Variants in DGKB observed in about 807,000 individuals in gnomAD.
DGKB encodes diacylglycerol kinase beta.
DGKB carries 67 observed loss-of-function variants against 114.3 expected under a neutral mutation model. That is an observed-to-expected ratio of 0.59 (90% CI 0.48 to 0.72). The LOEUF is 0.72. DGKB is among the 30% of genes least tolerant of loss of function. DGKB has a pLI of 0.00. For synonymous variants in DGKB, 398 were observed against 323.1 expected (o/e 1.23, Z -2.49); for missense variants, 907 against 975.2 (o/e 0.93, Z 0.93).
chr7:14,614,010 G>C (rs953014826), intron 15 of DGKB, among the ~76,000 whole-genome samples: 5 of 152,088 alleles, frequency 3.3e-5, no homozygotes, highest in African/African-American at 1.2e-4. Flanking sequence ...AAGTATATTT[G>C]CTAAGTAGAG....
At chr7:14,557,190 T>A (rs1037503158) in intron 20 of DGKB, among the ~76,000 whole-genome samples, 24 of 152,260 alleles carry the variant, frequency 1.6e-4, no homozygotes, top group Admixed American at 1.2e-3. Context: ...TAAGAACCAC[T>A]ATCTTAGATG....
intron 23 of DGKB, among the ~76,000 whole-genome samples, chr7:14,234,065 G>C (rs973865546): frequency 1.3e-5 from 2 of 152,050 alleles, no homozygotes; most frequent in Non-Finnish European, 2.9e-5. Flanking sequence ...AGGCCCTTCT[G>C]AGCTACAAAC....
chr7:14,525,187 A>C (rs895482645), intron 20 of DGKB, among the ~76,000 whole-genome samples: 3 of 152,168 alleles, frequency 2.0e-5, no homozygotes, highest in Non-Finnish European at 4.4e-5. Context: ...TCATGAACCC[A>C]AATGGAACAA....
chr7:14,782,912 T>C (rs1839340016), intron 2 of DGKB, among the ~76,000 whole-genome samples: 1 of 152,068 alleles, frequency 6.6e-6, no homozygotes, highest in African/African-American at 2.4e-5. Context: ...AGCTCCCTTC[T>C]GCCTCGAAAT....
At chr7:14,246,977 A>AT (rs1440941891) in intron 23 of DGKB, among the ~76,000 whole-genome samples, 2 of 152,132 alleles carry the variant, frequency 1.3e-5, no homozygotes, top group African/African-American at 4.8e-5. Context: ...AAAACATAAT[A>AT]TCCTAATTTC....
intron 1 of DGKB, among the ~76,000 whole-genome samples, chr7:14,888,088 C>A (rs185614282): frequency 1.8e-4 from 28 of 151,684 alleles, no homozygotes; most frequent in African/African-American, 5.1e-4. Flanking sequence ...AGAGTTGCAA[C>A]AAGGTGTAAA....
At position 14,500,062 on chromosome 7, in the gene DGKB, C is replaced by A. The variant is rs576440158; in HGVS notation, c.1771-21837G>T. 2.0e-5 allele frequency among the ~76,000 whole-genome samples: 3 copies of A among 151,938 alleles called. No homozygotes were observed. In the South Asian group the frequency reaches 6.2e-4, roughly 32 times the overall value. On this transcript the variant is annotated intron_variant, in intron 20 of 25. Coordinates refer to ENST00000402815, the MANE Select transcript of DGKB (RefSeq NM_001350709.2). Reference sequence around the variant, plus strand: ...CTTGTGGAGTTAATATTCACAAATTCGTTCTGGCCTTTTTCAATACTTTAC... The same window carrying A: ...CTTGTGGAGTTAATATTCACAAATTAGTTCTGGCCTTTTTCAATACTTTAC...
intron 21 of DGKB, among the ~76,000 whole-genome samples, chr7:14,358,889 T>G (rs1815133436): frequency 6.6e-6 from 1 of 152,090 alleles, no homozygotes; most frequent in Non-Finnish European, 1.5e-5. Context: ...ATTTATAGAT[T>G]CAATGCCATC....
chr7:14,508,197 T>C (rs1472177363), intron 20 of DGKB, among the ~76,000 whole-genome samples: 5 of 152,218 alleles, frequency 3.3e-5, no homozygotes, highest in Non-Finnish European at 7.3e-5. Flanking sequence ...TAAGACACTA[T>C]ACACTGAGAC....
intron 23 of DGKB, among the ~76,000 whole-genome samples, chr7:14,289,955 C>T (rs1173831993): frequency 1.3e-5 from 2 of 152,162 alleles, no homozygotes; most frequent in African/African-American, 4.8e-5. Flanking sequence ...TTAACCTGAA[C>T]TACAAACTCA....
At chr7:14,203,344 T>C (rs752019592) in intron 23 of DGKB, among the ~76,000 whole-genome samples, 6 of 151,888 alleles carry the variant, frequency 4.0e-5, no homozygotes, top group Non-Finnish European at 2.9e-5. Context: ...GTATTCACAG[T>C]AGAACTTAAA....
chr7:14,926,797 GCTTT>G (rs1175968199), intron 1 of DGKB, among the ~76,000 whole-genome samples: 4 of 151,818 alleles, frequency 2.6e-5, no homozygotes, highest in African/African-American at 9.7e-5. Context: ...GGTAGTGCCT[GCTTT>G]CTTTTTTTGT....
chr7:14,973,527 G>GTTTTTTTTTCT (rs1787610940), intron 1 of DGKB, among the ~76,000 whole-genome samples: 1 of 137,304 alleles, frequency 7.3e-6, no homozygotes, highest in Admixed American at 7.3e-5. Flanking sequence ...TTGTTTTTTT[G>GTTTTTTTTTCT]TTTTTTTTTT....
At chr7:14,838,920 C>T (rs4721378) in intron 2 of DGKB, among the ~76,000 whole-genome samples, 135,366 of 152,178 alleles carry the variant, frequency 0.89, 60,570 homozygotes, top group East Asian at 1. Flanking sequence ...AAATTTATGC[C>T]AAATTTTCCT....
At chr7:14,441,138 G>A (rs949143518) in intron 21 of DGKB, among the ~76,000 whole-genome samples, 22 of 151,746 alleles carry the variant, frequency 1.4e-4, no homozygotes, top group South Asian at 4.2e-4. Context: ...ACTCTCTAGC[G>A]GCTGGGATTA....
chr7:14,354,056 T>C (rs1814007817), intron 21 of DGKB, among the ~76,000 whole-genome samples: 1 of 152,206 alleles, frequency 6.6e-6, no homozygotes, highest in African/African-American at 2.4e-5. Flanking sequence ...ACTTTTCTTC[T>C]TCCCCCATCC....
chr7:14,566,500 A>T (rs1318501578), intron 20 of DGKB, among the ~76,000 whole-genome samples: 1 of 152,166 alleles, frequency 6.6e-6, no homozygotes, highest in Admixed American at 6.6e-5. Context: ...TTTTATGACA[A>T]TTGTTTTATT....
intron 23 of DGKB, among the ~76,000 whole-genome samples, chr7:14,268,607 G>T (rs2128426800): frequency 6.6e-6 from 1 of 152,236 alleles, no homozygotes; most frequent in Admixed American, 6.5e-5. Flanking sequence ...ATGAATAAAA[G>T]AAATATGTTA....
intron 1 of DGKB, among the ~76,000 whole-genome samples, chr7:14,940,162 G>T (rs1785493420): frequency 6.6e-6 from 1 of 152,058 alleles, no homozygotes; most frequent in African/African-American, 2.4e-5. Context: ...AGTACTGTGT[G>T]CCTTACACAC....
Sources: allele counts gnomAD v4.1 joint callset (sites outside exome capture counted in the v4.1 genomes callset), GRCh38; gene constraint gnomAD v4.1.1; transcripts MANE v1.5; gene names NCBI Gene and HGNC (gene_info 2026-07-23, HGNC 2026-07-21).